JPH1: variants seen among roughly 807,000 people sequenced by gnomAD.
JPH1 encodes the protein junctophilin-1.
In JPH1, 12 loss-of-function variants were observed where a neutral mutation model predicts 53.6. That is an observed-to-expected ratio of 0.22 (90% CI 0.14 to 0.36). The LOEUF (loss-of-function observed/expected upper bound fraction) is 0.36, where lower values mean the gene tolerates loss of function less well. JPH1 is among the 10% of genes least tolerant of loss of function. The pLI, the probability that JPH1 is intolerant of heterozygous loss-of-function variation, is 1.00. For missense variants in JPH1, 808 were observed against 905.5 expected, an observed-to-expected ratio of 0.89 and a Z score of 1.38; for synonymous variants, 375 against 363.8, an observed-to-expected ratio of 1.03 and a Z score of -0.35.
chr8:74,260,027 C>T (rs867539710), intron 2 of JPH1, among the ~76,000 whole-genome samples: 1 of 152,104 alleles, frequency 6.6e-6, no homozygotes, highest in Non-Finnish European at 1.5e-5. Context: ...ATGTTCTCAC[C>T]GTGGCCAATT....
chr8:74,299,539 T>C (rs1807616238), intron 2 of JPH1, among the ~76,000 whole-genome samples: 1 of 152,132 alleles, frequency 6.6e-6, no homozygotes, highest in South Asian at 2.1e-4. Context: ...TCACTTTCCT[T>C]CTTCTGTCTA....
At chr8:74,305,120 A>G (rs1807794891) in intron 2 of JPH1, among the ~76,000 whole-genome samples, 1 of 152,246 alleles carries the variant, frequency 6.6e-6, no homozygotes, top group Non-Finnish European at 1.5e-5. Flanking sequence ...TCCTGCTCCT[A>G]AACACAATGT....
intron 2 of JPH1, among the ~76,000 whole-genome samples, chr8:74,286,276 T>C (rs1467320205): frequency 6.6e-6 from 1 of 152,206 alleles, no homozygotes; most frequent in African/African-American, 2.4e-5. Flanking sequence ...TTAAAATTAA[T>C]TTTTAATATT....
At chr8:74,262,715 T>G (rs896010327) in intron 2 of JPH1, among the ~76,000 whole-genome samples, 26 of 152,214 alleles carry the variant, frequency 1.7e-4, no homozygotes, top group African/African-American at 6.0e-4. Flanking sequence ...ATAAACCGAA[T>G]TTTTAACTTG....
chr8:74,297,848 T>C (rs751140723), intron 2 of JPH1, among the ~76,000 whole-genome samples: 10 of 152,204 alleles, frequency 6.6e-5, no homozygotes, highest in Non-Finnish European at 1.3e-4. Flanking sequence ...ACTACTCTTA[T>C]TACCCCTTAA....
chr8:74,294,934 A>G (rs902657100), intron 2 of JPH1, among the ~76,000 whole-genome samples: 18 of 152,196 alleles, frequency 1.2e-4, no homozygotes, highest in African/African-American at 4.3e-4. Flanking sequence ...CATCTGCCCA[A>G]CTCACAGCAT....
Position 74,315,552 on chromosome 8 carries a change from C to G in JPH1, c.448G>C (p.Gly150Arg). 2.5e-6 allele frequency: 4 copies of G among 1,605,976 alleles called. No individual in the cohort carries two copies. Among genetic ancestry groups the G allele is most frequent in the Non-Finnish European group, 2.5e-6 (3 of 1,178,252 alleles). The change falls in exon 2 of 6, where the codon GGC becomes CGC. Residue 150 changes from glycine (G) to arginine (R), a missense_variant. Gly to Arg is a moderately radical substitution (Grantham distance 125). This residue lies in a region of JPH1 where 756 missense variants were observed against 811.9 expected (regional missense o/e 0.93). Transcript: ENST00000342232. This position sits in a 1 kb window ranked among gnomAD's most constrained non-coding sequence, Gnocchi z 6.3. ...GYGVRQSVPY[G>R]MATVIRSPLR... ...GGTGAGCGGATCACCGTGGCCATGC[C>G]GTAGGGCACGCTCTGGCGCACGCCG...
At chr8:74,313,285 T>A (rs964838626) in intron 2 of JPH1, among the ~76,000 whole-genome samples, 6 of 152,168 alleles carry the variant, frequency 3.9e-5, no homozygotes, top group Admixed American at 2.0e-4. Flanking sequence ...GTGCTGAGTA[T>A]CTGATCTATA....
In JPH1 at chr8:74,237,578, C is replaced by T. The variant is rs193236117; in HGVS notation, c.1906-275G>A. On this transcript the variant is annotated intron_variant, in intron 4 of 5. Coordinates refer to ENST00000342232, the MANE Select transcript of JPH1 (RefSeq NM_020647.4). ...ACTTCATTCACCTCAAAACAATGGACAACAGCGTGTGCTGAGACACAGCTC... is the reference window on the plus strand; with the variant it reads ...ACTTCATTCACCTCAAAACAATGGATAACAGCGTGTGCTGAGACACAGCTC... Among the ~76,000 whole-genome samples, 248 of 152,332 alleles carry T rather than the reference C, an allele frequency of 1.6e-3. 1 individual carries two copies. The highest frequency in any genetic ancestry group is 1.2e-3 in the East Asian group (6 of 5,190).
At chr8:74,307,183 C>G (rs1378776904) in intron 2 of JPH1, among the ~76,000 whole-genome samples, 1 of 152,166 alleles carries the variant, frequency 6.6e-6, no homozygotes, top group Non-Finnish European at 1.5e-5. Flanking sequence ...CTCACTTCAT[C>G]TTTACCTACA....
intron 2 of JPH1, among the ~76,000 whole-genome samples, chr8:74,307,253 A>G (rs1479249148): frequency 6.6e-6 from 1 of 152,090 alleles, no homozygotes; most frequent in African/African-American, 2.4e-5. Context: ...TACTTCTAGG[A>G]TTGCAACATT....
chr8:74,248,091 T>C (rs1240962322), intron 3 of JPH1, among the ~76,000 whole-genome samples: 1 of 152,228 alleles, frequency 6.6e-6, no homozygotes, highest in African/African-American at 2.4e-5. Flanking sequence ...TTTAGAAATC[T>C]GATGTGTCAC....
intron 2 of JPH1, among the ~76,000 whole-genome samples, chr8:74,298,950 GAGA>G (rs1189309752): frequency 3.3e-5 from 5 of 152,178 alleles, no homozygotes; most frequent in African/African-American, 1.2e-4. Flanking sequence ...AGAATATCAG[GAGA>G]AGATTAAACA....
At chr8:74,316,302 G>A (rs927124609) in intron 1 of JPH1, among the ~76,000 whole-genome samples, 9 of 152,158 alleles carry the variant, frequency 5.9e-5, no homozygotes, top group African/African-American at 2.2e-4. Context: ...AAAAAAATGA[G>A]TAATTTAACA....
chr8:74,305,951 C>A (rs1334783776), intron 2 of JPH1, among the ~76,000 whole-genome samples: 39 of 152,148 alleles, frequency 2.6e-4, no homozygotes, highest in Non-Finnish European at 4.4e-5. Context: ...CATCTCAATG[C>A]CTCCGAGTGT....
intron 2 of JPH1, among the ~76,000 whole-genome samples, chr8:74,298,582 C>T (rs543920683): frequency 3.3e-5 from 5 of 152,270 alleles, no homozygotes; most frequent in African/African-American, 1.2e-4. Context: ...AATAGTCAGG[C>T]ACCCCTTATC....
intron 2 of JPH1, among the ~76,000 whole-genome samples, chr8:74,262,773 G>C (rs901982991): frequency 6.6e-6 from 1 of 152,196 alleles, no homozygotes; most frequent in African/African-American, 2.4e-5. Context: ...ATGCTGGCTG[G>C]GGAGACCTGG....
At chr8:74,251,402 A>C (rs1022845501) in intron 3 of JPH1, among the ~76,000 whole-genome samples, 6 of 152,174 alleles carry the variant, frequency 3.9e-5, no homozygotes, top group African/African-American at 1.4e-4. Flanking sequence ...CTCATTTTCA[A>C]GCTGAACTCT....
intron 2 of JPH1, among the ~76,000 whole-genome samples, chr8:74,280,700 T>C (rs1227575498): frequency 6.6e-6 from 1 of 152,138 alleles, no homozygotes; most frequent in African/African-American, 2.4e-5. Context: ...AAATTTAACA[T>C]CAAAAATCTA....
Sources: gnomAD v4.1 joint callset for allele counts (sites outside exome capture counted in the v4.1 genomes callset) on GRCh38, gnomAD v4.1.1 for gene constraint, gnomAD v4.1.1 regional missense constraint, Gnocchi (gnomAD v3.1) non-coding constraint, MANE v1.5 for transcripts, NCBI Gene and HGNC (gene_info 2026-07-23, HGNC 2026-07-21) for gene names.